Variants in STX12 observed in about 807,000 individuals in gnomAD.
The protein encoded by STX12 is syntaxin 12.
In STX12, 17 loss-of-function variants were observed where a neutral mutation model predicts 42.2. That is an observed-to-expected ratio of 0.40 (90% CI 0.28 to 0.60). The LOEUF (loss-of-function observed/expected upper bound fraction) is 0.60. Ranked by LOEUF, STX12 falls within the 20% of genes least tolerant of loss-of-function variation. STX12 has a pLI of 0.39. For missense variants in STX12, 297 were observed against 330.9 expected (o/e 0.90, Z 0.79); for synonymous variants, 108 against 116.7 (o/e 0.93, Z 0.48).
chr1:27,780,334 C>T (rs1254970259), intron 1 of STX12, among the ~76,000 whole-genome samples: 2 of 150,550 alleles, frequency 1.3e-5, no homozygotes, highest in Non-Finnish European at 3.0e-5. Flanking sequence ...TCAGCCTCCC[C>T]AGTAGCTGGG....
At chr1:27,805,472 GA>G (rs1193562937) in intron 4 of STX12, among the ~76,000 whole-genome samples, 88 of 152,200 alleles carry the variant, frequency 5.8e-4, no homozygotes, top group African/African-American at 1.7e-3. Context: ...TGGCTTACCA[GA>G]AGGCAGCTAG....
intron 8 of STX12, 78 bp from the exon 9 acceptor site, chr1:27,822,153 A>G (rs1415673852): frequency 6.9e-6 from 6 of 871,946 alleles, no homozygotes; most frequent in Non-Finnish European, 1.2e-5. Flanking sequence ...AGGCAGATTT[A>G]TGAAGCATTC....
rs559797245 is a variant in STX12, at chr1:27,799,544, G to A, written c.289-2134G>A. On this transcript the variant is annotated intron_variant, in intron 3 of 8. Transcript: ENST00000373943. ...TTTGCTCAGTCTGGAGTGCAGTGGCGCGATCTCAGCTCACTGCAACCTCCA... is the reference window on the plus strand; with the variant it reads ...TTTGCTCAGTCTGGAGTGCAGTGGCACGATCTCAGCTCACTGCAACCTCCA... 2.1e-3 allele frequency among the ~76,000 whole-genome samples: 314 copies of A among 147,022 alleles called. 1 individual carries two copies. The highest frequency in any genetic ancestry group is 7.3e-3 in the African/African-American group (277 of 37,928).
At chr1:27,793,663 G>A (rs759116591) in intron 3 of STX12, 31 bp downstream of exon 3, 2 of 1,582,176 alleles carry the variant, frequency 1.3e-6, no homozygotes. Flanking sequence ...TTATTAATAG[G>A]AAAGGACTTT....
At chr1:27,790,873 G>A (rs981726402) in intron 2 of STX12, among the ~76,000 whole-genome samples, 6 of 152,128 alleles carry the variant, frequency 3.9e-5, no homozygotes, top group Non-Finnish European at 5.9e-5. Flanking sequence ...CCCAGGAGGC[G>A]GAGGTTGCGG....
chr1:27,820,724 C>T (rs576298209), intron 8 of STX12, among the ~76,000 whole-genome samples: 2 of 151,946 alleles, frequency 1.3e-5, no homozygotes, highest in South Asian at 2.1e-4. Context: ...CACATGCACA[C>T]GTATGTTTAT....
chr1:27,799,477 G>GTTTTTTTTTTTTTT lies in STX12; in HGVS notation c.289-2190_289-2189insTTTTTTTTTTTTTT, dbSNP rs200472226. Reference sequence around the variant, plus strand: ...GGTTGAACCCCAAACTCATTAGCTTGTTTTTTTTTTTGTTTTTTTTTTTGA... The same window carrying GTTTTTTTTTTTTTT: ...GGTTGAACCCCAAACTCATTAGCTTGTTTTTTTTTTTTTTTTTTTTTTTTTGTTTTTTTTTTTGA... On this transcript the variant is annotated intron_variant, in intron 3 of 8. Transcript: ENST00000373943. Among the ~76,000 whole-genome samples the GTTTTTTTTTTTTTT allele has an allele frequency of 5.4e-3, 699 of 130,618 alleles. 98 individuals are homozygous for GTTTTTTTTTTTTTT. The highest frequency in any genetic ancestry group is 0.021 in the African/African-American group (661 of 31,152). 85.7% of individuals were successfully genotyped at this position (130,618 alleles called of 152,430 possible). A position where few individuals can be genotyped will look rare whatever the true frequency, so the allele number is the denominator to read the frequency against.
chr1:27,786,033 G>A (rs2088696297), intron 1 of STX12, among the ~76,000 whole-genome samples: 1 of 152,208 alleles, frequency 6.6e-6, no homozygotes, highest in Non-Finnish European at 1.5e-5. Flanking sequence ...AGCCTTTTGA[G>A]AGACTGTAAT....
chr1:27,814,619 C>A (rs565474374), intron 6 of STX12, among the ~76,000 whole-genome samples: 1 of 152,142 alleles, frequency 6.6e-6, no homozygotes, highest in East Asian at 1.9e-4. Flanking sequence ...GAGGCTGAGG[C>A]GAGTGGCTCA....
At chr1:27,803,400 G>C (rs1404209331) in intron 4 of STX12, among the ~76,000 whole-genome samples, 1 of 152,194 alleles carries the variant, frequency 6.6e-6, no homozygotes, top group East Asian at 1.9e-4. Flanking sequence ...GAAGCCAGTA[G>C]AGTGCTATCT....
intron 1 of STX12, among the ~76,000 whole-genome samples, chr1:27,788,750 G>A (rs1191040217): frequency 1.3e-5 from 2 of 152,132 alleles, no homozygotes; most frequent in Admixed American, 6.6e-5. Context: ...GGTGGCTCAC[G>A]ACTGTAATCC....
chr1:27,796,653 A>G (rs1045729060), intron 3 of STX12, among the ~76,000 whole-genome samples: 4 of 151,744 alleles, frequency 2.6e-5, no homozygotes, highest in Non-Finnish European at 5.9e-5. Context: ...CAGCCTCCCA[A>G]AGTGCTGGAA....
At chr1:27,807,196 T>C (rs991823396) in intron 4 of STX12, among the ~76,000 whole-genome samples, 4 of 152,212 alleles carry the variant, frequency 2.6e-5, no homozygotes, top group Non-Finnish European at 5.9e-5. Context: ...TTATCCTTTA[T>C]GTTACAGACA....
intron 1 of STX12, among the ~76,000 whole-genome samples, chr1:27,788,169 G>A (rs1388192671): frequency 6.6e-6 from 1 of 152,180 alleles, no homozygotes. Flanking sequence ...CTATTCATAT[G>A]TTCTGTACTC....
intron 1 of STX12, 33 bp downstream of exon 1, chr1:27,773,458 C>A: frequency 6.3e-7 from 1 of 1,599,990 alleles, no homozygotes. Flanking sequence ...GGGGCGGGAG[C>A]TGTCCCGGGG....
intron 1 of STX12, among the ~76,000 whole-genome samples, chr1:27,786,345 A>G (rs993564992): frequency 6.6e-6 from 1 of 151,852 alleles, no homozygotes; most frequent in East Asian, 1.9e-4. Context: ...TTGATCTTTC[A>G]CTTTGGATCT....
In STX12 at chr1:27,815,908, G is replaced by C. The variant is rs943007801; in HGVS notation, c.577-1943G>C. On this transcript the variant is annotated intron_variant, in intron 6 of 8. Coordinates refer to ENST00000373943, the MANE Select transcript of STX12 (RefSeq NM_177424.3). ...ACTCAAATATAGGCCAGACGTGGTG[G>C]TTCACACCTGTAATCCCAGCACTTT... Among the ~76,000 whole-genome samples, 5 of 152,322 alleles carry C rather than the reference G, an allele frequency of 3.3e-5. No homozygotes were observed. In the Middle Eastern group the frequency reaches 0.01, roughly 311 times the overall value.
chr1:27,808,320 TTTA>T (rs2088879109), intron 4 of STX12, among the ~76,000 whole-genome samples: 1 of 118,040 alleles, frequency 8.5e-6, no homozygotes, highest in Non-Finnish European at 1.6e-5. Context: ...TTTTTATTTA[TTTA>T]TTTATTTATT....
intron 8 of STX12, chr1:27,820,311 G>T (rs1202293627): frequency 6.6e-6 from 1 of 152,136 alleles, no homozygotes; most frequent in African/African-American, 2.4e-5. Context: ...TGGCTTTTTA[G>T]AAATAAATAG....
Sources: allele counts gnomAD v4.1 joint callset (sites outside exome capture counted in the v4.1 genomes callset), GRCh38; gene constraint gnomAD v4.1.1; transcripts MANE v1.5; gene names NCBI Gene and HGNC (gene_info 2026-07-23, HGNC 2026-07-21).